DOCK2: variants seen among roughly 807,000 people sequenced by gnomAD.
DOCK2 encodes the protein dedicator of cytokinesis protein 2.
A neutral mutation model predicts 248.9 loss-of-function variants in DOCK2; 87 were observed. The ratio of observed to expected loss-of-function variants is 0.35; its 90% CI spans 0.29 to 0.42. The LOEUF is 0.42. Among genes scored for constraint, DOCK2 ranks in the 10% least tolerant of loss-of-function variants. The pLI, the probability that DOCK2 is intolerant of heterozygous loss-of-function variation, is 1.00. For synonymous variants in DOCK2, 805 were observed against 821.6 expected, an observed-to-expected ratio of 0.98 and a Z score of 0.35; for missense variants, 1,747 against 2,300.2, an observed-to-expected ratio of 0.76 and a Z score of 4.92.
intron 6 of DOCK2, 115 bp from the exon 7 acceptor site, chr5:169,681,624 AGCTCT>A: frequency 8.0e-7 from 1 of 1,252,458 alleles, no homozygotes; most frequent in Non-Finnish European, 1.1e-6. Flanking sequence ...ATCAGTGTAG[AGCTCT>A]TCTATGTGAC....
At chr5:169,804,384 C>T (rs1233235193) in intron 26 of DOCK2, among the ~76,000 whole-genome samples, 1 of 151,682 alleles carries the variant, frequency 6.6e-6, no homozygotes, top group East Asian at 1.9e-4. Flanking sequence ...AAACCTATCC[C>T]CAATATATAA....
intron 27 of DOCK2, among the ~76,000 whole-genome samples, chr5:169,957,000 AATGGT>A (rs1421395124): frequency 2.0e-5 from 3 of 152,008 alleles, no homozygotes; most frequent in Non-Finnish European, 4.4e-5. Flanking sequence ...GGAGCAATAC[AATGGT>A]ATCATTGTTC....
intron 26 of DOCK2, among the ~76,000 whole-genome samples, chr5:169,829,300 C>T (rs893766839): frequency 1.3e-5 from 2 of 152,156 alleles, no homozygotes; most frequent in Admixed American, 6.6e-5. Flanking sequence ...AAGCGGCATG[C>T]ATTAAACATT....
intron 2 of DOCK2, among the ~76,000 whole-genome samples, chr5:169,665,902 G>C: frequency 6.6e-6 from 1 of 152,128 alleles, no homozygotes; most frequent in Non-Finnish European, 1.5e-5. Context: ...AGATGTATTT[G>C]ATATTGGTAT....
chr5:169,947,406 C>T (rs902646278), intron 27 of DOCK2, among the ~76,000 whole-genome samples: 2 of 152,200 alleles, frequency 1.3e-5, no homozygotes, highest in African/African-American at 4.8e-5. Context: ...CATGCTTTCT[C>T]ATCCATTATT....
chr5:169,925,663 G>A (rs1223882246), intron 27 of DOCK2, among the ~76,000 whole-genome samples: 1 of 151,136 alleles, frequency 6.6e-6, no homozygotes, highest in African/African-American at 2.4e-5. Flanking sequence ...TGTGACCTGT[G>A]GGACTTCTGT....
intron 27 of DOCK2, among the ~76,000 whole-genome samples, chr5:169,919,004 G>T (rs1405672464): frequency 6.6e-6 from 1 of 152,160 alleles, no homozygotes; most frequent in Non-Finnish European, 1.5e-5. Context: ...CCAGTAACAA[G>T]GGTTATGTTG....
chr5:169,889,187 A>G (rs1217294487), intron 27 of DOCK2, among the ~76,000 whole-genome samples: 3 of 152,234 alleles, frequency 2.0e-5, no homozygotes, highest in Non-Finnish European at 4.4e-5. Flanking sequence ...ATAGTTGGAT[A>G]GTTGCATGGA....
intron 2 of DOCK2, among the ~76,000 whole-genome samples, chr5:169,666,249 G>T (rs180946353): frequency 1.3e-5 from 2 of 152,160 alleles, no homozygotes; most frequent in African/African-American, 2.4e-5. Flanking sequence ...ATTCATAAAG[G>T]CTCCATTCTC....
Position 170,016,812 on chromosome 5 carries a change from A to T in DOCK2, c.3233-2148A>T, listed in dbSNP as rs1265047477. Among the ~76,000 whole-genome samples, 3 of 152,168 alleles carry T rather than the reference A, an allele frequency of 2.0e-5. No homozygotes were observed. In the East Asian group the frequency reaches 5.8e-4, roughly 29 times the overall value. ...ACTTGACTTTGAATTTTAAAACTCC[A>T]CTGTGGTTTGAAAAAGACTTAAAGG... On this transcript the variant is annotated intron_variant, in intron 32 of 51. Transcript: ENST00000520908.
At chr5:169,800,388 C>T (rs910864066) in intron 25 of DOCK2, among the ~76,000 whole-genome samples, 2 of 152,222 alleles carry the variant, frequency 1.3e-5, no homozygotes, top group African/African-American at 4.8e-5. Context: ...TTGTCACGGA[C>T]TGTCTCAAAT....
At chr5:169,747,654 C>A in intron 23 of DOCK2, 150 bp downstream of exon 23, 1 of 602,614 alleles carries the variant, frequency 1.7e-6, no homozygotes, top group Non-Finnish European at 2.8e-6. Context: ...AAGGGCTCCT[C>A]AGGACAAGAG....
At chr5:169,975,615 G>A (rs540476531) in intron 27 of DOCK2, among the ~76,000 whole-genome samples, 11 of 152,160 alleles carry the variant, frequency 7.2e-5, no homozygotes, top group African/African-American at 2.7e-4. Context: ...TCACTATTCA[G>A]GTTTCTACTC....
At position 169,727,160 on chromosome 5, in the gene DOCK2, A is replaced by C. The variant is rs183920848; in HGVS notation, c.2267+8369A>C. On this transcript the variant is annotated intron_variant, in intron 22 of 51. Coordinates refer to ENST00000520908, the MANE Select transcript of DOCK2 (RefSeq NM_004946.3). The stretch of plus-strand genomic sequence containing the variant: ...CTCTAATTCTAAATACAATCTGTGA[A>C]ATAGAACTTCCAATGACTCCTGCTT... Among the ~76,000 whole-genome samples, 19 of 152,314 alleles carry C rather than the reference A, an allele frequency of 1.2e-4. No individual in the cohort carries two copies. In the East Asian group the frequency reaches 3.5e-3, roughly 28 times the overall value.
chr5:170,079,133 C>T lies in DOCK2; in HGVS notation c.5153C>T (p.Ser1718Leu), dbSNP rs760040908. 48 of 1,613,530 alleles carry T rather than the reference C, an allele frequency of 3.0e-5. No individual in the cohort carries two copies. In the East Asian group the frequency reaches 6.0e-4, roughly 20 times the overall value. Residue 1718 changes from serine (S) to leucine (L), a missense_variant, in exon 49 of 52, where the codon TCG becomes TTG. Transcript: ENST00000520908. ...GCGGATGAGAAAGCAGCTGCAGAGT[C>T]GGACCTGAAGCGGGTGAGTGGCTGA... ...VFADEKAAAE[S>L]DLKRLSRKHE...
chr5:169,814,523 C>A (rs261011), intron 26 of DOCK2, among the ~76,000 whole-genome samples: 41,550 of 151,992 alleles, frequency 0.27, 7,476 homozygotes, highest in African/African-American at 0.52. Flanking sequence ...ATAAAGGTTA[C>A]AGTGTAGTTA....
intron 27 of DOCK2, among the ~76,000 whole-genome samples, chr5:169,973,640 T>A (rs950811740): frequency 6.6e-6 from 1 of 152,186 alleles, no homozygotes; most frequent in Non-Finnish European, 1.5e-5. Context: ...AAAAGCTACA[T>A]CTATGAGAAA....
chr5:170,061,596 A>G (rs190526756), intron 44 of DOCK2, among the ~76,000 whole-genome samples: 46 of 152,346 alleles, frequency 3.0e-4, no homozygotes, highest in Non-Finnish European at 5.0e-4. Context: ...TAATGACCTG[A>G]AAGTTACATA....
At chr5:169,938,262 T>C (rs1311316088) in intron 27 of DOCK2, among the ~76,000 whole-genome samples, 1 of 151,958 alleles carries the variant, frequency 6.6e-6, no homozygotes, top group Non-Finnish European at 1.5e-5. Context: ...AATGTGTTCT[T>C]CCTGGGATGT....
Sources: allele counts gnomAD v4.1 joint callset (sites outside exome capture counted in the v4.1 genomes callset), GRCh38; gene constraint gnomAD v4.1.1; transcripts MANE v1.5; gene names NCBI Gene and HGNC (gene_info 2026-07-23, HGNC 2026-07-21).